The following NCAM2 variants were observed in gnomAD, a reference collection of about 807,000 sequenced individuals.
NCAM2 encodes neural cell adhesion molecule 2, also known as N-CAM-2.
In NCAM2, 30 loss-of-function variants were observed where a neutral mutation model predicts 98.1. That is an observed-to-expected ratio of 0.31 (90% CI 0.23 to 0.41). The LOEUF (loss-of-function observed/expected upper bound fraction) is 0.41, where lower values mean the gene tolerates loss of function less well. NCAM2 is among the 10% of genes least tolerant of loss of function. The pLI, the probability that NCAM2 is intolerant of heterozygous loss-of-function variation, is 1.00. For synonymous variants in NCAM2, 368 were observed against 342.4 expected, an observed-to-expected ratio of 1.07 and a Z score of -0.83; for missense variants, 867 against 1,005.8, an observed-to-expected ratio of 0.86 and a Z score of 1.87.
At chr21:21,465,371 A>G (rs1287716783) in intron 12 of NCAM2, among the ~76,000 whole-genome samples, 2 of 151,912 alleles carry the variant, frequency 1.3e-5, no homozygotes, top group Non-Finnish European at 2.9e-5. Context: ...GCTTGAGCCC[A>G]AGAATTCAAC....
intron 1 of NCAM2, among the ~76,000 whole-genome samples, chr21:21,141,606 A>G (rs905051751): frequency 6.6e-6 from 1 of 152,224 alleles, no homozygotes; most frequent in African/African-American, 2.4e-5. Context: ...ATATGAGAGC[A>G]TATTTGATAG....
intron 1 of NCAM2, among the ~76,000 whole-genome samples, chr21:21,074,172 A>G (rs776704322): frequency 7.0e-4 from 106 of 152,136 alleles, no homozygotes; most frequent in Non-Finnish European, 1.9e-4. Flanking sequence ...CAAGTATGCT[A>G]TATTTCTGTC....
At chr21:21,328,038 T>A (rs1391094384) in intron 6 of NCAM2, among the ~76,000 whole-genome samples, 1 of 152,204 alleles carries the variant, frequency 6.6e-6, no homozygotes, top group Non-Finnish European at 1.5e-5. Flanking sequence ...TAATTTATTT[T>A]AAAATGTTCC....
chr21:21,019,620 C>A (rs1445136809), intron 1 of NCAM2, among the ~76,000 whole-genome samples: 1 of 152,068 alleles, frequency 6.6e-6, no homozygotes, highest in African/African-American at 2.4e-5. Context: ...TACAATAGAG[C>A]CAATTTATAA....
chr21:21,297,831 G>A (rs541894402), intron 5 of NCAM2, among the ~76,000 whole-genome samples: 10 of 151,742 alleles, frequency 6.6e-5, no homozygotes, highest in East Asian at 1.9e-4. Flanking sequence ...TTCTTCTAAC[G>A]TATAGTGATT....
chr21:21,343,103 T>G (rs1257052401), intron 8 of NCAM2, among the ~76,000 whole-genome samples: 1 of 152,208 alleles, frequency 6.6e-6, no homozygotes, highest in Non-Finnish European at 1.5e-5. Context: ...AACTTGTTTA[T>G]AATCTGATAT....
chr21:21,460,970 A>G (rs1340467589), intron 12 of NCAM2, among the ~76,000 whole-genome samples: 1 of 151,870 alleles, frequency 6.6e-6, no homozygotes, highest in East Asian at 1.9e-4. Context: ...CAGAAAAAGA[A>G]TTTGGCAGTA....
At chr21:21,106,184 T>C (rs2066341661) in intron 1 of NCAM2, among the ~76,000 whole-genome samples, 1 of 151,824 alleles carries the variant, frequency 6.6e-6, no homozygotes, top group African/African-American at 2.4e-5. Flanking sequence ...GGCATGCTTC[T>C]GTAGTCCCAG....
chr21:21,023,743 G>A lies in NCAM2; in HGVS notation c.55+25125G>A, dbSNP rs1312794521. On this transcript the variant is annotated intron_variant, in intron 1 of 17. Coordinates refer to ENST00000400546, the MANE Select transcript of NCAM2 (RefSeq NM_004540.5). ...CTAATTTACTCATATATGCATACATGTATGCATATTATAAATATGGATATA... is the reference window on the plus strand; with the variant it reads ...CTAATTTACTCATATATGCATACATATATGCATATTATAAATATGGATATA... Among the ~76,000 whole-genome samples, 8 of 152,126 alleles carry A rather than the reference G, an allele frequency of 5.3e-5. No homozygotes were observed. In the South Asian group the frequency reaches 1.2e-3, roughly 24 times the overall value.
intron 9 of NCAM2, among the ~76,000 whole-genome samples, chr21:21,376,085 T>A (rs1231431298): frequency 6.6e-6 from 1 of 151,694 alleles, no homozygotes; most frequent in African/African-American, 2.4e-5. Context: ...GTGTTATGTG[T>A]CCCTGAGTCC....
At chr21:21,473,820 C>A (rs1482059223) in intron 14 of NCAM2, among the ~76,000 whole-genome samples, 2 of 150,394 alleles carry the variant, frequency 1.3e-5, no homozygotes, top group Non-Finnish European at 2.9e-5. Context: ...ATAGCCAATA[C>A]TTTCCTGAAT....
At chr21:21,405,542 C>T (rs764432216) in intron 9 of NCAM2, among the ~76,000 whole-genome samples, 22 of 151,974 alleles carry the variant, frequency 1.4e-4, no homozygotes, top group Admixed American at 3.3e-4. Flanking sequence ...TATTTGAAGA[C>T]GTTAGTAAGT....
chr21:21,281,372 T>C (rs2072923664), intron 2 of NCAM2, among the ~76,000 whole-genome samples: 1 of 152,138 alleles, frequency 6.6e-6, no homozygotes, highest in Non-Finnish European at 1.5e-5. Flanking sequence ...TAGTTATACT[T>C]GAATGAAAAT....
At chr21:21,436,718 T>C (rs1376549310) in intron 12 of NCAM2, among the ~76,000 whole-genome samples, 2 of 151,916 alleles carry the variant, frequency 1.3e-5, no homozygotes, top group Non-Finnish European at 2.9e-5. Context: ...AGTGAATCCA[T>C]TATACATCCC....
intron 1 of NCAM2, among the ~76,000 whole-genome samples, chr21:21,065,090 G>T (rs2065406152): frequency 6.6e-6 from 1 of 151,946 alleles, no homozygotes; most frequent in African/African-American, 2.4e-5. Context: ...TGAGGCAGGA[G>T]AATCGCTTGA....
chr21:21,453,473 G>A (rs963523733), intron 12 of NCAM2, among the ~76,000 whole-genome samples: 1 of 152,032 alleles, frequency 6.6e-6, no homozygotes, highest in Non-Finnish European at 1.5e-5. Context: ...AGGCTATGGA[G>A]AAGACTTTGC....
chr21:21,235,065 A>G (rs1470507015), intron 1 of NCAM2, among the ~76,000 whole-genome samples: 1 of 152,016 alleles, frequency 6.6e-6, no homozygotes, highest in Non-Finnish European at 1.5e-5. Context: ...GGCAAGTCAG[A>G]ATAGGGCATG....
chr21:21,144,606 C>CT (rs11292466), intron 1 of NCAM2, among the ~76,000 whole-genome samples: 36,443 of 151,094 alleles, frequency 0.24, 4,857 homozygotes, highest in East Asian at 0.45. Flanking sequence ...AAATGTCTGT[C>CT]TTTTTTTTTC....
intron 1 of NCAM2, among the ~76,000 whole-genome samples, chr21:21,036,309 C>T (rs561595306): frequency 6.6e-6 from 1 of 152,144 alleles, no homozygotes; most frequent in African/African-American, 2.4e-5. Flanking sequence ...AACTCAAGGA[C>T]TTAATAAACA....
Sources: gnomAD v4.1 joint callset for allele counts (sites outside exome capture counted in the v4.1 genomes callset) on GRCh38, gnomAD v4.1.1 for gene constraint, MANE v1.5 for transcripts, NCBI Gene and HGNC (gene_info 2026-07-23, HGNC 2026-07-21) for gene names.